Variants in SLC38A4 observed in about 807,000 individuals in gnomAD.
SLC38A4 encodes solute carrier family 38 member 4, also known as sodium-coupled neutral amino acid transporter 4.
A neutral mutation model predicts 63.1 loss-of-function variants in SLC38A4; 20 were observed. The observed-to-expected ratio is 0.32, with a 90% CI of 0.22 to 0.46. SLC38A4 has a LOEUF of 0.46. SLC38A4 is among the 20% of genes least tolerant of loss of function. The pLI is 1.00. For synonymous variants in SLC38A4, 230 were observed against 225.5 expected (o/e 1.02, Z -0.18); for missense variants, 526 against 663.6 (o/e 0.79, Z 2.28).
At chr12:46,777,557 G>A (rs1938554937) in intron 12 of SLC38A4, among the ~76,000 whole-genome samples, 1 of 151,908 alleles carries the variant, frequency 6.6e-6, no homozygotes, top group Non-Finnish European at 1.5e-5. Flanking sequence ...TTTTTTATGA[G>A]GTAAATCAGA....
rs1444023168 is a variant in SLC38A4 at position 46,817,549 on chromosome 12, C to G, written c.-305+8354G>C. Among the ~76,000 whole-genome samples, 8 of 151,734 alleles carry G rather than the reference C, an allele frequency of 5.3e-5. No homozygotes were observed. The East Asian group carries it at 1.4e-3, about 26-fold the overall frequency. On this transcript the variant is annotated intron_variant, in intron 1 of 16. Coordinates refer to ENST00000266579, the MANE Select transcript of SLC38A4 (RefSeq NM_018018.5). Reference sequence around the variant, plus strand: ...ATATCACAAGGTACAAATTGCCAACCCTTCTTGCACTTATTGTTGCTCCCT... The same window carrying G: ...ATATCACAAGGTACAAATTGCCAACGCTTCTTGCACTTATTGTTGCTCCCT...
At chr12:46,832,393 G>A (rs536763589) in exon 1 of SLC38A4, 1 of 152,182 alleles carries the variant, frequency 6.6e-6, no homozygotes, top group Non-Finnish European at 1.5e-5. Flanking sequence ...TGGATGGAGA[G>A]ACCCTTCTTT....
chr12:46,782,213 C>A (rs1220586445), intron 7 of SLC38A4, among the ~76,000 whole-genome samples: 1 of 151,874 alleles, frequency 6.6e-6, no homozygotes, highest in Non-Finnish European at 1.5e-5. Flanking sequence ...CTTGATAACT[C>A]CAGTGAATTT....
At chr12:46,782,596 CA>C (rs1938666073) in intron 7 of SLC38A4, among the ~76,000 whole-genome samples, 1 of 151,626 alleles carries the variant, frequency 6.6e-6, no homozygotes, top group Admixed American at 6.6e-5. Flanking sequence ...TTTAGTTTTT[CA>C]CAATCATCAT....
chr12:46,817,703 G>GC (rs1180154512), intron 1 of SLC38A4, among the ~76,000 whole-genome samples: 3 of 151,738 alleles, frequency 2.0e-5, no homozygotes, highest in Admixed American at 6.6e-5. Context: ...CTATCAGTGA[G>GC]CCCCTGGGTC....
intron 2 of SLC38A4, among the ~76,000 whole-genome samples, chr12:46,802,659 CA>C (rs1267713596): frequency 6.6e-6 from 1 of 151,912 alleles, no homozygotes; most frequent in African/African-American, 2.4e-5. Context: ...AACTAAATGG[CA>C]ATCTTTTATT....
upstream of SLC38A4, among the ~76,000 whole-genome samples, chr12:46,828,229 A>T (rs1355503245): frequency 2.6e-5 from 4 of 152,172 alleles, no homozygotes; most frequent in African/African-American, 9.7e-5. Context: ...CTGGTCTTGA[A>T]ATGTTCTCTG....
At chr12:46,796,943 C>A (rs1939020681) in intron 2 of SLC38A4, among the ~76,000 whole-genome samples, 1 of 152,138 alleles carries the variant, frequency 6.6e-6, no homozygotes, top group Non-Finnish European at 1.5e-5. Flanking sequence ...GGGAAAAGCA[C>A]ACTTATCTTG....
At chr12:46,769,945 T>G (rs1392100021) in intron 14 of SLC38A4, among the ~76,000 whole-genome samples, 1 of 152,160 alleles carries the variant, frequency 6.6e-6, no homozygotes, top group Non-Finnish European at 1.5e-5. Context: ...ATGTCCACAT[T>G]TGTAAGCAAC....
intron 9 of SLC38A4, 42 bp from the exon 10 acceptor site, chr12:46,779,711 C>T (rs1369416136): frequency 3.8e-6 from 6 of 1,585,680 alleles, no homozygotes; most frequent in Non-Finnish European, 5.2e-6. Context: ...AATATGGCAT[C>T]TACAATTAGC....
chr12:46,805,713 A>T (rs901090996), intron 1 of SLC38A4, among the ~76,000 whole-genome samples: 1 of 152,104 alleles, frequency 6.6e-6, no homozygotes, highest in African/African-American at 2.4e-5. Context: ...TAGTAGAAAG[A>T]GCTAATCATC....
At chr12:46,814,803 G>C (rs1462739649) in intron 1 of SLC38A4, among the ~76,000 whole-genome samples, 1 of 151,844 alleles carries the variant, frequency 6.6e-6, no homozygotes, top group Non-Finnish European at 1.5e-5. Flanking sequence ...AGATACATGG[G>C]AATCTCCCAT....
In SLC38A4 at chr12:46,787,906, A is replaced by G. The variant is rs772319576; in HGVS notation, c.326+10T>C. 6.3e-7 allele frequency: 1 copy of G among 1,594,642 alleles called. No homozygotes were observed. The highest frequency in any genetic ancestry group is 1.1e-5 in the South Asian group (1 of 90,258). On this transcript the variant is annotated intron_variant, in intron 5 of 16. Transcript: ENST00000266579. ...TTCATCACCAAATGTAGACATATAC[A>G]TTCACTTACATAAAAAGTATGATCC...
chr12:46,777,975 G>A (rs180424), intron 12 of SLC38A4, among the ~76,000 whole-genome samples: 141,547 of 152,008 alleles, frequency 0.93, 66,257 homozygotes, highest in Non-Finnish European at 0.98. Context: ...AGCTGACATC[G>A]TTTCTTCCGA....
intron 3 of SLC38A4, among the ~76,000 whole-genome samples, chr12:46,791,385 G>C (rs1728353176): frequency 6.6e-6 from 1 of 152,088 alleles, no homozygotes; most frequent in African/African-American, 2.4e-5. Flanking sequence ...GTTTCTTCAA[G>C]GGTCACCTAA....
At chr12:46,768,178 A>G (rs1938336477) in intron 16 of SLC38A4, 132 bp downstream of exon 16, 2 of 594,410 alleles carry the variant, frequency 3.4e-6, no homozygotes, top group Admixed American at 3.1e-5. Flanking sequence ...CTGCTACCAG[A>G]AAGTTCTAGC....
chr12:46,789,951 G>A (rs1482396752), intron 3 of SLC38A4, among the ~76,000 whole-genome samples: 5 of 152,132 alleles, frequency 3.3e-5, no homozygotes, highest in East Asian at 1.9e-4. Flanking sequence ...GGTGGCAGGC[G>A]CCTGTAATCC....
chr12:46,815,834 T>G (rs1028309610), intron 1 of SLC38A4, among the ~76,000 whole-genome samples: 10 of 151,852 alleles, frequency 6.6e-5, no homozygotes, highest in African/African-American at 2.4e-4. Context: ...TATTAACAGG[T>G]CCCCAGGAGA....
chr12:46,775,807 T>C (rs1938513768), intron 13 of SLC38A4, among the ~76,000 whole-genome samples: 1 of 152,056 alleles, frequency 6.6e-6, no homozygotes, highest in Admixed American at 6.6e-5. Context: ...GATGCAGCCC[T>C]ACTTGAAAAC....
Sources: allele counts gnomAD v4.1 joint callset (sites outside exome capture counted in the v4.1 genomes callset), GRCh38; gene constraint gnomAD v4.1.1; transcripts MANE v1.5; gene names NCBI Gene and HGNC (gene_info 2026-07-23, HGNC 2026-07-21).